ARFGAP1: variants seen among roughly 807,000 people sequenced by gnomAD.
ARFGAP1 encodes ADP-ribosylation factor GTPase-activating protein 1.
A neutral mutation model predicts 54.0 loss-of-function variants in ARFGAP1; 26 were observed. The ratio of observed to expected loss-of-function variants is 0.48; its 90% CI spans 0.35 to 0.67. ARFGAP1 has a LOEUF of 0.67. Ranked by LOEUF, ARFGAP1 falls within the 30% of genes least tolerant of loss-of-function variation. The pLI, the probability that ARFGAP1 is intolerant of heterozygous loss-of-function variation, is 0.00. For synonymous variants in ARFGAP1, 248 were observed against 211.9 expected, an observed-to-expected ratio of 1.17 and a Z score of -1.48; for missense variants, 525 against 535.8, an observed-to-expected ratio of 0.98 and a Z score of 0.20.
intron 12 of ARFGAP1, 134 bp from the exon 13 acceptor site, chr20:63,287,430 G>A: frequency 1.3e-6 from 1 of 741,802 alleles, no homozygotes; most frequent in Non-Finnish European, 2.1e-6. Flanking sequence ...CCCACCTGGT[G>A]GGGCTGCTGT....
At chr20:63,275,958 C>G in intron 2 of ARFGAP1, 133 bp from the exon 3 acceptor site, 1 of 773,920 alleles carries the variant, frequency 1.3e-6, no homozygotes, top group South Asian at 1.5e-5. Flanking sequence ...CCCCTCACGC[C>G]TTGCCCTGAC....
At chr20:63,278,522 G>T (rs2123237570) in intron 6 of ARFGAP1, 2 of 462,576 alleles carry the variant, frequency 4.3e-6, no homozygotes, top group Non-Finnish European at 3.9e-6. Context: ...GTGTGAATTG[G>T]GGGTCTTGGG....
intron 2 of ARFGAP1, among the ~76,000 whole-genome samples, chr20:63,275,886 C>T (rs1261145518): frequency 3.3e-5 from 5 of 152,200 alleles, no homozygotes; most frequent in Admixed American, 3.3e-4. Flanking sequence ...TCAGGTCACT[C>T]GCTCTAAGGA....
At position 63,284,303 on chromosome 20, in the gene ARFGAP1, C is replaced by G. The variant is rs1455042912; in HGVS notation, c.718-563C>G. On this transcript the variant is annotated intron_variant, in intron 9 of 12. Transcript: ENST00000370283. ...TGTGACGAGTTCTTCCCTTTCCGGC[C>G]TTTGATCCGTGCTGCTCCCTGCCTT... is the stretch of plus-strand genomic sequence containing the variant. The G allele has an allele frequency of 7.4e-6, 8 of 1,080,604 alleles. No individual in the cohort carries two copies. In the African/African-American group the frequency reaches 1.2e-4, roughly 16 times the overall value. 66.9% of individuals were successfully genotyped at this position (1,080,604 alleles called of 1,614,324 possible).
chr20:63,286,576 C>T, intron 12 of ARFGAP1, 134 bp downstream of exon 12: 1 of 874,512 alleles, frequency 1.1e-6, no homozygotes, highest in Admixed American at 2.6e-5. Context: ...CGGGAGGTGG[C>T]TGGCATCCTT....
Position 63,287,842 on chromosome 20 carries a change from C to G in ARFGAP1, c.1190C>G (p.Thr397Ser), listed in dbSNP as rs748159970. ...AAGGCAGTGCCGCCGGCCGTGCCCA[C>G]TGATGATGGCTGGGACAACCAGAAC... ...TKKAVPPAVP[T>S]DDGWDNQNW Residue 397 changes from threonine (T) to serine (S), a missense_variant, in exon 13 of 13, where the codon ACT becomes AGT. By Grantham distance (58) the Thr-to-Ser change is moderately conservative. Transcript: ENST00000370283. The G allele has an allele frequency of 1.7e-5, 27 of 1,562,986 alleles. 1 individual carries two copies. The highest frequency in any genetic ancestry group is 1.4e-4 in the South Asian group (12 of 85,554).
chr20:63,284,582 C>G, intron 9 of ARFGAP1: 1 of 1,299,046 alleles, frequency 7.7e-7, no homozygotes, highest in South Asian at 1.6e-5. Context: ...TCCCACCAGC[C>G]CGGCCCGGCA....
rs747997748 is a variant in ARFGAP1, at chr20:63,289,370, G to C, written c.*1497G>C. ...GGGCGGCCGCGTGGTATCTCCCGAG[G>C]GCTGCTTGGACCCTGGTGGGCTGAG... On this transcript the variant is annotated 3_prime_UTR_variant, in exon 13 of 13. Coordinates refer to ENST00000370283, the MANE Select transcript of ARFGAP1 (RefSeq NM_018209.4). The C allele has an allele frequency of 1.3e-5, 2 of 152,270 alleles. No homozygotes were observed. Among genetic ancestry groups the C allele is most frequent in the Non-Finnish European group, 2.9e-5 (2 of 68,124 alleles). The allele number at this position is 152,270 out of a possible 1,614,324, so 9.4% of individuals were successfully genotyped here. A position where few individuals can be genotyped will look rare whatever the true frequency, so the allele number is the denominator to read the frequency against.
intron 9 of ARFGAP1, chr20:63,284,429 T>C: frequency 9.3e-7 from 1 of 1,080,358 alleles, no homozygotes; most frequent in Non-Finnish European, 1.1e-6. Flanking sequence ...CTCAGCAGCT[T>C]CTTCCTATGG....
chr20:63,288,922 A>G lies in ARFGAP1; in HGVS notation c.*1049A>G, dbSNP rs1220500527. On this transcript the variant is annotated 3_prime_UTR_variant, in exon 13 of 13. Coordinates refer to ENST00000370283, the MANE Select transcript of ARFGAP1 (RefSeq NM_018209.4). The stretch of plus-strand genomic sequence containing the variant: ...GTGAGGTGCTCTCCTCCCTGCCACC[A>G]TGCTCATCACTCTGGCCTTGGCCAT... 3 of 238,500 alleles carry G rather than the reference A, an allele frequency of 1.3e-5. No homozygotes were observed. The highest frequency in any genetic ancestry group is 6.6e-5 in the African/African-American group (3 of 45,270). 14.8% of individuals were successfully genotyped at this position (238,500 alleles called of 1,614,324 possible). A position where few individuals can be genotyped will look rare whatever the true frequency, so the allele number is the denominator to read the frequency against.
chr20:63,286,340 T>TA, intron 11 of ARFGAP1, 26 bp from the exon 12 acceptor site: 1 of 1,612,268 alleles, frequency 6.2e-7, no homozygotes. Context: ...AGGGCCTGCC[T>TA]AACCTCTCTT....
chr20:63,285,605 G>A, intron 10 of ARFGAP1, 49 bp from the exon 11 acceptor site: 1 of 1,590,320 alleles, frequency 6.3e-7, no homozygotes, highest in Non-Finnish European at 8.6e-7. Flanking sequence ...GAAGCTTTAA[G>A]CTTTCATCTC....
At chr20:63,278,843 CG>C in intron 6 of ARFGAP1, 55 bp from the exon 7 acceptor site, 1 of 1,582,236 alleles carries the variant, frequency 6.3e-7, no homozygotes, top group East Asian at 2.2e-5. Flanking sequence ...CCCACGCCCT[CG>C]GGAGGAGCAG....
At chr20:63,278,287 C>CA in intron 6 of ARFGAP1, 84 bp downstream of exon 6, 1 of 1,428,522 alleles carries the variant, frequency 7.0e-7, no homozygotes, top group Non-Finnish European at 9.7e-7. Flanking sequence ...TCCCTTGGGG[C>CA]CTCCCATGTG....
rs2067617408 is a variant in ARFGAP1, at chr20:63,288,212, C to T, written c.*339C>T. ...CTGCGTTCCAGCGGCCAGTTCACTA[C>T]GCAGTATCTCTGGGGCCTGGGACCA... On this transcript the variant is annotated 3_prime_UTR_variant, in exon 13 of 13. Transcript: ENST00000370283. 6 of 559,292 alleles carry T rather than the reference C, an allele frequency of 1.1e-5. No individual in the cohort carries two copies. Among genetic ancestry groups the T allele is most frequent in the South Asian group, 6.6e-5 (4 of 60,442 alleles). The allele number at this position is 559,292 out of a possible 1,614,324, so 34.6% of individuals were successfully genotyped here.
intron 12 of ARFGAP1, among the ~76,000 whole-genome samples, chr20:63,287,320 T>TGA (rs2067584760): frequency 6.6e-6 from 1 of 152,226 alleles, no homozygotes; most frequent in Non-Finnish European, 1.5e-5. Context: ...AAGGAAGTTT[T>TGA]CTGTAAAACT....
chr20:63,278,589 T>A, intron 6 of ARFGAP1: 1 of 486,582 alleles, frequency 2.1e-6, no homozygotes, highest in Non-Finnish European at 3.7e-6. Context: ...GCGTGGAATC[T>A]GCTGGACCTA....
In ARFGAP1 at chr20:63,287,923, A is replaced by C. The variant is rs1568748192; in HGVS notation, c.*50A>C. On this transcript the variant is annotated 3_prime_UTR_variant, in exon 13 of 13. Coordinates refer to ENST00000370283, the MANE Select transcript of ARFGAP1 (RefSeq NM_018209.4). ...CGCCCCCGGGCGACTTCGTGTTTGC[A>C]CTCTGCCCTCGTCGTTCCTCCTCCT... 5 of 1,454,340 alleles carry C rather than the reference A, an allele frequency of 3.4e-6. No homozygotes were observed. The East Asian group carries it at 1.0e-4, about 29-fold the overall frequency. 90.1% of individuals were successfully genotyped at this position (1,454,340 alleles called of 1,614,324 possible).
chr20:63,279,120 C>T, intron 7 of ARFGAP1, 125 bp downstream of exon 7: 1 of 945,118 alleles, frequency 1.1e-6, no homozygotes, highest in African/African-American at 1.6e-5. Context: ...ATCTAAGGAC[C>T]CCTCCCTTAC....
Sources: gnomAD v4.1 joint callset for allele counts (sites outside exome capture counted in the v4.1 genomes callset) on GRCh38, gnomAD v4.1.1 for gene constraint, MANE v1.5 for transcripts, NCBI Gene and HGNC (gene_info 2026-07-23, HGNC 2026-07-21) for gene names.